MGAT4C: variants seen among roughly 807,000 people sequenced by gnomAD.
MGAT4C encodes alpha-1,3-mannosyl-glycoprotein 4-beta-N-acetylglucosaminyltransferase C.
MGAT4C carries 19 observed loss-of-function variants against 40.1 expected under a neutral mutation model. The ratio of observed to expected loss-of-function variants is 0.47; its 90% CI spans 0.33 to 0.70. The LOEUF is 0.70. Ranked by LOEUF, MGAT4C falls within the 30% of genes least tolerant of loss-of-function variation. The pLI is 0.02. For missense variants in MGAT4C, 491 were observed against 563.2 expected (o/e 0.87, Z 1.30); for synonymous variants, 181 against 187.1 (o/e 0.97, Z 0.27).
In MGAT4C at chr12:85,969,355, A is replaced by C; in HGVS notation, c.*9934T>G. The C allele has an allele frequency of 6.6e-6, 1 of 151,722 alleles. No homozygotes were observed. The highest frequency in any genetic ancestry group is 1.9e-4 in the East Asian group (1 of 5,190). The allele number at this position is 151,722 out of a possible 1,614,324, so 9.4% of individuals were successfully genotyped here. A position where few individuals can be genotyped will look rare whatever the true frequency, so the allele number is the denominator to read the frequency against. Reference sequence around the variant, plus strand: ...TTTAGAAACATAGTTAATCACACAAAAAATGTTGCATACATACTGTCTAAC... The same window carrying C: ...TTTAGAAACATAGTTAATCACACAACAAATGTTGCATACATACTGTCTAAC... On this transcript the variant is annotated 3_prime_UTR_variant, in exon 5 of 5. Transcript: ENST00000611864.
At chr12:86,455,590 A>C (rs999796453) in intron 2 of MGAT4C, among the ~76,000 whole-genome samples, 2 of 152,144 alleles carry the variant, frequency 1.3e-5, no homozygotes, top group Non-Finnish European at 2.9e-5. Context: ...GAAGAAAAGA[A>C]CTTGGTGATA....
intron 1 of MGAT4C, among the ~76,000 whole-genome samples, chr12:86,240,203 C>CATATAT (rs113114301): frequency 3.3e-5 from 5 of 149,980 alleles, no homozygotes; most frequent in South Asian, 2.1e-4. Context: ...TGATATATAT[C>CATATAT]ATATATATAT....
At chr12:86,705,626 A>C (rs1476589835) in intron 2 of MGAT4C, among the ~76,000 whole-genome samples, 5 of 152,142 alleles carry the variant, frequency 3.3e-5, no homozygotes, top group African/African-American at 1.2e-4. Flanking sequence ...GATCAGTGTA[A>C]AGTATAATCT....
At chr12:86,817,484 T>C (rs1436335916) in intron 1 of MGAT4C, among the ~76,000 whole-genome samples, 1 of 151,530 alleles carries the variant, frequency 6.6e-6, no homozygotes, top group African/African-American at 2.4e-5. Flanking sequence ...CAAAAGTCCA[T>C]CAAATCAAGC....
Position 86,504,634 on chromosome 12 carries a change from T to C in MGAT4C, c.-228-69369A>G, listed in dbSNP as rs896135024. 3.9e-5 allele frequency among the ~76,000 whole-genome samples: 6 copies of C among 152,208 alleles called. No homozygotes were observed. In the East Asian group the frequency reaches 1.2e-3, roughly 29 times the overall value. On this transcript the variant is annotated intron_variant, in intron 2 of 7. Coordinates refer to the MGAT4C transcript ENST00000548651. ...TAATCACTGGGATACATTGCCCTTC[T>C]TTCCAGCAAGGTATGTTAGTTAATA...
At chr12:86,066,067 A>G (rs899052148) in intron 1 of MGAT4C, among the ~76,000 whole-genome samples, 1 of 152,186 alleles carries the variant, frequency 6.6e-6, no homozygotes, top group Non-Finnish European at 1.5e-5. Flanking sequence ...AGATGACACA[A>G]ACAAATGAAA....
chr12:86,363,991 C>G (rs200327739), intron 3 of MGAT4C, among the ~76,000 whole-genome samples: 304 of 134,702 alleles, frequency 2.3e-3, no homozygotes, highest in African/African-American at 7.4e-3. Flanking sequence ...CACACACACA[C>G]AGAGACACAA....
intron 2 of MGAT4C, among the ~76,000 whole-genome samples, chr12:86,547,883 T>C (rs1268464297): frequency 6.6e-6 from 1 of 152,118 alleles, no homozygotes; most frequent in Non-Finnish European, 1.5e-5. Flanking sequence ...AGGGTAGGCA[T>C]GTTTTTCTGC....
At chr12:86,492,947 C>A (rs999987482) in intron 2 of MGAT4C, among the ~76,000 whole-genome samples, 1 of 151,824 alleles carries the variant, frequency 6.6e-6, no homozygotes, top group East Asian at 1.9e-4. Flanking sequence ...AACAAATTTA[C>A]AAGAAAAAAA....
chr12:86,769,609 C>G (rs1201027544), intron 1 of MGAT4C, among the ~76,000 whole-genome samples: 1 of 152,084 alleles, frequency 6.6e-6, no homozygotes, highest in Non-Finnish European at 1.5e-5. Flanking sequence ...AGACTTGGAA[C>G]CAACCCAAAT....
intron 2 of MGAT4C, among the ~76,000 whole-genome samples, chr12:86,451,711 A>G (rs988983722): frequency 1.3e-5 from 2 of 152,054 alleles, no homozygotes; most frequent in African/African-American, 4.8e-5. Flanking sequence ...TTCAAGATGG[A>G]TAGTCTTTGA....
At chr12:86,161,071 T>C (rs1443549463) in intron 1 of MGAT4C, among the ~76,000 whole-genome samples, 1 of 152,078 alleles carries the variant, frequency 6.6e-6, no homozygotes, top group Non-Finnish European at 1.5e-5. Flanking sequence ...ATTGTAAAAA[T>C]GGCCATGCTG....
At chr12:86,015,546 G>A (rs1889004523) in intron 2 of MGAT4C, among the ~76,000 whole-genome samples, 2 of 152,162 alleles carry the variant, frequency 1.3e-5, no homozygotes, top group African/African-American at 4.8e-5. Context: ...CACCTGGCTG[G>A]AAGAAGCACA....
chr12:86,817,866 G>A (rs1952634442), intron 1 of MGAT4C, among the ~76,000 whole-genome samples: 2 of 151,418 alleles, frequency 1.3e-5, no homozygotes, highest in Admixed American at 1.3e-4. Flanking sequence ...TGTACACTAG[G>A]ATAGAGTGTG....
At chr12:85,989,270 A>T in intron 3 of MGAT4C, 130 bp downstream of exon 3, 1 of 696,116 alleles carries the variant, frequency 1.4e-6, no homozygotes, top group Non-Finnish European at 2.2e-6. Flanking sequence ...TAGACAATAT[A>T]CATGTTATAA....
intron 1 of MGAT4C, among the ~76,000 whole-genome samples, chr12:86,802,688 C>T (rs528981752): frequency 3.4e-5 from 5 of 148,952 alleles, no homozygotes; most frequent in South Asian, 4.3e-4. Context: ...AATAAAATAC[C>T]TAGGAATCCA....
chr12:86,074,779 G>T (rs1207479751), intron 1 of MGAT4C, among the ~76,000 whole-genome samples: 1 of 151,176 alleles, frequency 6.6e-6, no homozygotes, highest in Non-Finnish European at 1.5e-5. Flanking sequence ...AGAATTGAAG[G>T]CCAAGGAAAA....
chr12:86,400,117 T>A (rs767650205), intron 3 of MGAT4C, among the ~76,000 whole-genome samples: 8 of 152,170 alleles, frequency 5.3e-5, no homozygotes, highest in Non-Finnish European at 1.2e-4. Context: ...CCAGCTGGTA[T>A]CTGCTGCAGA....
chr12:86,756,711 G>A (rs945625496), intron 1 of MGAT4C, among the ~76,000 whole-genome samples: 6 of 151,870 alleles, frequency 4.0e-5, no homozygotes, highest in Admixed American at 2.6e-4. Flanking sequence ...TTCTTATTTC[G>A]CCACACCACA....
Sources: allele counts gnomAD v4.1 joint callset (sites outside exome capture counted in the v4.1 genomes callset), GRCh38; gene constraint gnomAD v4.1.1; transcripts MANE v1.5; gene names NCBI Gene and HGNC (gene_info 2026-07-23, HGNC 2026-07-21).